The following MX1 variants were observed in gnomAD, a reference collection of about 807,000 sequenced individuals.
The protein encoded by MX1 is MX dynamin like GTPase 1, also known as interferon-induced GTP-binding protein Mx1.
A neutral mutation model predicts 66.4 loss-of-function variants in MX1; 66 were observed. That is an observed-to-expected ratio of 0.99 (90% CI 0.82 to 1.22). The LOEUF (loss-of-function observed/expected upper bound fraction) is 1.22, where lower values mean the gene tolerates loss of function less well. Ranked by LOEUF, MX1 falls within the 50% of genes most tolerant of loss-of-function variation. MX1 has a pLI of 0.00. For synonymous variants in MX1, 311 were observed against 318.1 expected (o/e 0.98, Z 0.24); for missense variants, 787 against 834.3 (o/e 0.94, Z 0.70).
In MX1 at chr21:41,441,703, A is replaced by G. The variant is rs2090518249; in HGVS notation, c.731-13A>G. On this transcript the variant is annotated splice_polypyrimidine_tract_variant and intron_variant, in intron 9 of 16. Coordinates refer to ENST00000398598, the MANE Select transcript of MX1 (RefSeq NM_002462.5). This position sits in a 1 kb window ranked among gnomAD's most constrained non-coding sequence, Gnocchi z 4.0. ...CTGAGCACGTTCTCTCCCCAAATACATCTGGCTCGCAGGAATCTTGACGAA... is the reference window on the plus strand; with the variant it reads ...CTGAGCACGTTCTCTCCCCAAATACGTCTGGCTCGCAGGAATCTTGACGAA... 3.1e-6 allele frequency: 5 copies of G among 1,613,918 alleles called. No individual in the cohort carries two copies. The highest frequency in any genetic ancestry group is 1.3e-5 in the African/African-American group (1 of 74,912).
In MX1 at chr21:41,441,007, G is replaced by A. The variant is rs749753042; in HGVS notation, c.712G>A (p.Glu238Lys). ...ALSMAQEVDP[E>K]GDRTIGILTK... ...CAGCATGGCCCAGGAGGTGGACCCC[G>A]AGGGAGACAGGACCATCGGTGAGAG... is the stretch of plus-strand genomic sequence containing the variant. Residue 238 changes from glutamate (E) to lysine (K), a missense_variant, in exon 9 of 17, where the codon GAG becomes AAG. Transcript: ENST00000398598. The surrounding 1 kb of genome is among the most constrained non-coding windows in gnomAD (Gnocchi z 4.0). 1.4e-5 allele frequency: 23 copies of A among 1,613,918 alleles called. No homozygotes were observed. Among genetic ancestry groups the A allele is most frequent in the African/African-American group, 2.7e-5 (2 of 74,924 alleles).
chr21:41,458,679 G>A lies in MX1; in HGVS notation c.1910G>A (p.Ser637Asn), dbSNP rs763150702. 3 of 1,614,224 alleles carry A rather than the reference G, an allele frequency of 1.9e-6. No individual in the cohort carries two copies. Among genetic ancestry groups the A allele is most frequent in the Admixed American group, 3.3e-5 (2 of 60,034 alleles). ...CTCCTGAAGGAGCGGAGCGACACCA[G>A]CGACAAGCGGAAGTTCCTGAAGGAG... ...SWLLKERSDTSDKRKFLKERL... is the reference protein window; with the variant it reads ...SWLLKERSDTNDKRKFLKERL... The change falls in exon 17 of 17, where the codon AGC becomes AAC. Residue 637 changes from serine (S) to asparagine (N), a missense_variant. Coordinates refer to ENST00000398598, the MANE Select transcript of MX1 (RefSeq NM_002462.5).
intron 4 of MX1, among the ~76,000 whole-genome samples, chr21:41,431,237 C>T (rs894681497): frequency 2.2e-4 from 33 of 152,238 alleles, no homozygotes; most frequent in African/African-American, 7.5e-4. Flanking sequence ...TGGCCAAGCT[C>T]GCTTCGAACT....
At chr21:41,440,427 C>T (rs953462571) in intron 8 of MX1, among the ~76,000 whole-genome samples, 31 of 152,276 alleles carry the variant, frequency 2.0e-4, no homozygotes, top group African/African-American at 6.3e-4. Context: ...TGTGATGAGC[C>T]GTGATTGTGC....
intron 4 of MX1, chr21:41,431,755 T>A (rs938668429): frequency 7.1e-6 from 2 of 282,970 alleles, no homozygotes; most frequent in African/African-American, 4.4e-5. Context: ...ATTACAGGCG[T>A]GAGCCCCGGG....
intron 14 of MX1, chr21:41,449,654 T>C (rs1383969028): frequency 5.7e-6 from 1 of 176,212 alleles, no homozygotes; most frequent in Non-Finnish European, 1.2e-5. Flanking sequence ...TTCACTGACA[T>C]TTACTGGTCT....
intron 6 of MX1, 41 bp downstream of exon 6, chr21:41,436,070 TA>T: frequency 6.3e-7 from 1 of 1,597,482 alleles, no homozygotes; most frequent in Non-Finnish European, 8.6e-7. Flanking sequence ...CAGGCTGCCA[TA>T]ACAAAATACC....
At chr21:41,451,449 A>G (rs1301997097) in intron 15 of MX1, among the ~76,000 whole-genome samples, 1 of 152,190 alleles carries the variant, frequency 6.6e-6, no homozygotes, top group Non-Finnish European at 1.5e-5. Context: ...AACGCACAGA[A>G]CAAGAGATCC....
Position 41,441,904 on chromosome 21 carries a change from C to CT in MX1, c.919_920insT (p.Pro307LeufsTer31). The CT allele has an allele frequency of 6.2e-7, 1 of 1,614,042 alleles. No homozygotes were observed. On this transcript the variant is annotated frameshift_variant, in exon 10 of 17. Transcript: ENST00000398598. LOFTEE classifies it high-confidence loss of function. This position sits in a 1 kb window ranked among gnomAD's most constrained non-coding sequence, Gnocchi z 4.0. The stretch of plus-strand genomic sequence containing the variant: ...AGAGAAGATCTTCTTTGAGAACCAC[C>CT]CATATTTCAGGTGCGCTTGCCTGGG...
chr21:41,445,600 G>C, intron 12 of MX1, 30 bp downstream of exon 12: 2 of 1,613,654 alleles, frequency 1.2e-6, no homozygotes, highest in Non-Finnish European at 1.7e-6. Context: ...TGGAGCTGGA[G>C]AAGCACATGT....
At position 41,441,628 on chromosome 21, in the gene MX1, C is replaced by T. The variant is rs2090514927; in HGVS notation, c.731-88C>T. 7.1e-7 allele frequency: 1 copy of T among 1,400,510 alleles called. No homozygotes were observed. Among genetic ancestry groups the T allele is most frequent in the Non-Finnish European group, 1.0e-6 (1 of 990,390 alleles). 86.8% of individuals were successfully genotyped at this position (1,400,510 alleles called of 1,614,324 possible). A position where few individuals can be genotyped will look rare whatever the true frequency, so the allele number is the denominator to read the frequency against. On this transcript the variant is annotated intron_variant, in intron 9 of 16. Transcript: ENST00000398598. The surrounding 1 kb of genome is among the most constrained non-coding windows in gnomAD (Gnocchi z 4.0). ...TCCTCAAGCAAGGATGGGAGGAAAC[C>T]CTGGGAGGCCGGGGGCGTGAGCAGT...
chr21:41,440,375 G>T (rs2090472959), intron 8 of MX1, among the ~76,000 whole-genome samples: 1 of 152,108 alleles, frequency 6.6e-6, no homozygotes, highest in Non-Finnish European at 1.5e-5. Context: ...ATGGTGGCGT[G>T]CACCTGTCAG....
Position 41,441,902 on chromosome 21 carries a change from A to C in MX1, c.917A>C (p.His306Pro). 3 of 1,613,966 alleles carry C rather than the reference A, an allele frequency of 1.9e-6. No individual in the cohort carries two copies. The highest frequency in any genetic ancestry group is 2.5e-6 in the Non-Finnish European group (3 of 1,179,990). ...AGAGAGAAGATCTTCTTTGAGAACC[A>C]CCCATATTTCAGGTGCGCTTGCCTG... ...LQREKIFFEN[H>P]PYFRDLLEEG... The change falls in exon 10 of 17, where the codon CAC (histidine) becomes CCC (proline). Residue 306 changes from histidine (H) to proline (P), a missense_variant. Transcript: ENST00000398598. The surrounding 1 kb of genome is among the most constrained non-coding windows in gnomAD (Gnocchi z 4.0).
At position 41,437,100 on chromosome 21, in the gene MX1, C is replaced by G; in HGVS notation, c.384C>G (p.Asp128Glu). Reference protein sequence around the residue: ...DKWRGKVSYQDYEIEISDASE... With the variant: ...DKWRGKVSYQEYEIEISDASE... ...GGAGAGGCAAGGTCAGTTACCAGGA[C>G]TACGAGATTGAGATTTCGGATGCTT... Residue 128 changes from aspartate to glutamate, a missense_variant, in exon 7 of 17, where the codon GAC becomes GAG. Coordinates refer to ENST00000398598, the MANE Select transcript of MX1 (RefSeq NM_002462.5). 2 of 1,613,942 alleles carry G rather than the reference C, an allele frequency of 1.2e-6. No homozygotes were observed. Among genetic ancestry groups the G allele is most frequent in the South Asian group, 2.2e-5 (2 of 91,068 alleles).
Position 41,452,655 on chromosome 21 carries a change from GAGA to G in MX1, c.1547_1549del (p.Glu516del), listed in dbSNP as rs748158915. The G allele has an allele frequency of 2.7e-5, 44 of 1,614,048 alleles. No individual in the cohort carries two copies. The highest frequency in any genetic ancestry group is 3.3e-4 in the Middle Eastern group (2 of 6,084). On this transcript the variant is annotated inframe_deletion, in exon 16 of 17. Transcript: ENST00000398598. ...GAAGACATTAGAGCAGAACAAGAGA[GAGA>G]AGGTGAGAAGCTGATCCGCCTCCAC...
chr21:41,442,872 T>C (rs1601509509), intron 10 of MX1: 1 of 152,418 alleles, frequency 6.6e-6, no homozygotes, highest in African/African-American at 2.4e-5. Flanking sequence ...GGACGGATAC[T>C]GTCTGATTCC....
intron 4 of MX1, among the ~76,000 whole-genome samples, chr21:41,431,074 G>C (rs1029703996): frequency 6.6e-6 from 1 of 152,208 alleles, no homozygotes; most frequent in Non-Finnish European, 1.5e-5. Flanking sequence ...CCAGGCTGGA[G>C]TGCAGTGGTG....
intron 16 of MX1, among the ~76,000 whole-genome samples, chr21:41,458,318 C>T (rs1395820961): frequency 2.6e-5 from 4 of 152,222 alleles, no homozygotes; most frequent in African/African-American, 9.6e-5. Flanking sequence ...GAATATGACT[C>T]ATAGCTGGGA....
At chr21:41,453,248 T>G (rs1013697460) in intron 16 of MX1, among the ~76,000 whole-genome samples, 4 of 152,198 alleles carry the variant, frequency 2.6e-5, no homozygotes, top group South Asian at 2.1e-4. Flanking sequence ...AGAACAGTAT[T>G]GGAGAAACTG....
Sources: allele counts gnomAD v4.1 joint callset (sites outside exome capture counted in the v4.1 genomes callset), GRCh38; gene constraint gnomAD v4.1.1; non-coding constraint Gnocchi (gnomAD v3.1); transcripts MANE v1.5; gene names NCBI Gene and HGNC (gene_info 2026-07-23, HGNC 2026-07-21).